The following TBC1D30 variants were observed in gnomAD, a reference collection of about 807,000 sequenced individuals.
TBC1D30 encodes TBC1 domain family, member 30.
Under a neutral mutation model 63.2 loss-of-function variants are expected in TBC1D30, and 31 were observed. That is an observed-to-expected ratio of 0.49 (90% CI 0.37 to 0.66). The LOEUF is 0.66. Ranked by LOEUF, TBC1D30 falls within the 30% of genes least tolerant of loss-of-function variation. The pLI, the probability that TBC1D30 is intolerant of heterozygous loss-of-function variation, is 0.00. For missense variants in TBC1D30, 810 were observed against 953.6 expected (o/e 0.85, Z 1.98); for synonymous variants, 307 against 361.5 (o/e 0.85, Z 1.71).
intron 5 of TBC1D30, 117 bp from the exon 6 acceptor site, chr12:64,836,373 G>T: frequency 1.3e-6 from 1 of 760,196 alleles, no homozygotes; most frequent in Non-Finnish European, 2.1e-6. Context: ...ATGCATTTAA[G>T]GATAGCGTGC....
At chr12:64,853,182 C>G (rs1263647211) in intron 8 of TBC1D30, among the ~76,000 whole-genome samples, 1 of 152,134 alleles carries the variant, frequency 6.6e-6, no homozygotes, top group African/African-American at 2.4e-5. Context: ...TCAGAGATAC[C>G]CTGCCCAGAG....
intron 2 of TBC1D30, among the ~76,000 whole-genome samples, chr12:64,794,958 A>G (rs745409589): frequency 1.2e-4 from 18 of 152,250 alleles, no homozygotes; most frequent in Non-Finnish European, 2.2e-4. Flanking sequence ...CAGACAAAAG[A>G]AAACAATTTG....
intron 1 of TBC1D30, among the ~76,000 whole-genome samples, chr12:64,760,930 T>C (rs1870486259): frequency 6.6e-6 from 1 of 151,558 alleles, no homozygotes; most frequent in Non-Finnish European, 1.5e-5. Flanking sequence ...ACTCACACAA[T>C]AGCATGAAAA....
intron 8 of TBC1D30, among the ~76,000 whole-genome samples, chr12:64,858,897 G>A (rs1369666822): frequency 6.6e-6 from 1 of 152,124 alleles, no homozygotes. Flanking sequence ...GAGGAAGAGA[G>A]AAGACCTCAT....
At chr12:64,869,836 G>A (rs1045226375) in intron 10 of TBC1D30, among the ~76,000 whole-genome samples, 1 of 152,148 alleles carries the variant, frequency 6.6e-6, no homozygotes, top group Non-Finnish European at 1.5e-5. Context: ...GCAGATGTTA[G>A]GATAGTTGGA....
At chr12:64,838,068 G>T (rs1399110828) in intron 6 of TBC1D30, among the ~76,000 whole-genome samples, 1 of 152,154 alleles carries the variant, frequency 6.6e-6, no homozygotes, top group Non-Finnish European at 1.5e-5. Flanking sequence ...CATAAAGTAA[G>T]AGGGAGTACT....
At chr12:64,807,404 G>A (rs1054345808) in intron 2 of TBC1D30, among the ~76,000 whole-genome samples, 4 of 152,162 alleles carry the variant, frequency 2.6e-5, no homozygotes, top group Admixed American at 2.6e-4. Flanking sequence ...GGAATGGAGA[G>A]TTGTTGTTTA....
intron 1 of TBC1D30, among the ~76,000 whole-genome samples, chr12:64,769,539 G>A (rs1286563186): frequency 7.6e-6 from 1 of 131,380 alleles, no homozygotes; most frequent in African/African-American, 3.2e-5. Context: ...ACCACGCTGG[G>A]CTATTTTTTT....
chr12:64,798,049 C>T (rs1176946438), intron 2 of TBC1D30, among the ~76,000 whole-genome samples: 2 of 152,064 alleles, frequency 1.3e-5, no homozygotes, highest in African/African-American at 4.8e-5. Context: ...TAGTATTGGC[C>T]CTACTTACCT....
In TBC1D30 at chr12:64,836,663, G is replaced by A; in HGVS notation, c.763+5G>A. 1 of 1,531,518 alleles carries A rather than the reference G, an allele frequency of 6.5e-7. No homozygotes were observed. Among genetic ancestry groups the A allele is most frequent in the Non-Finnish European group, 8.7e-7 (1 of 1,143,414 alleles). The allele number at this position is 1,531,518 out of a possible 1,614,324, so 94.9% of individuals were successfully genotyped here. On this transcript the variant is annotated splice_donor_5th_base_variant and intron_variant, in intron 6 of 11. Transcript: ENST00000539867. ...CTGCAAACAAAGAAAGTGGAGGTAGGTTTCAATGCTATTATAACTCTGAAA... is the reference window on the plus strand; with the variant it reads ...CTGCAAACAAAGAAAGTGGAGGTAGATTTCAATGCTATTATAACTCTGAAA...
rs553400418 is a variant in TBC1D30, at chr12:64,845,012, C to A, written c.1038+1527C>A. 3.6e-3 allele frequency among the ~76,000 whole-genome samples: 543 copies of A among 152,192 alleles called. 3 individuals carry two copies. Among genetic ancestry groups the A allele is most frequent in the African/African-American group, 0.013 (522 of 41,516 alleles). On this transcript the variant is annotated intron_variant, in intron 8 of 11. Coordinates refer to ENST00000539867, the MANE Select transcript of TBC1D30 (RefSeq NM_015279.2). ...ATATACCACATTTTCTTTATCCGTT[C>A]ATTGGTTGATGGATACTTAGGTTGC...
intron 1 of TBC1D30, among the ~76,000 whole-genome samples, chr12:64,825,885 C>T (rs1037283355): frequency 6.6e-6 from 1 of 152,176 alleles, no homozygotes; most frequent in Non-Finnish European, 1.5e-5. Context: ...CGGTCCCCGG[C>T]CCCCGCCCCC....
chr12:64,796,189 T>C (rs931319135), intron 2 of TBC1D30, among the ~76,000 whole-genome samples: 2 of 151,890 alleles, frequency 1.3e-5, no homozygotes, highest in Admixed American at 1.3e-4. Context: ...GTGTTTCTTA[T>C]GACCTCGTTA....
In TBC1D30 at chr12:64,829,682, T is replaced by C. The variant is rs60702559; in HGVS notation, c.283-695T>C. ...ATCAATGTTTATTTCTGCTAAATCA[T>C]GTTTAAATACCAAAACTTGAAATAC... On this transcript the variant is annotated intron_variant, in intron 3 of 11. Coordinates refer to ENST00000539867, the MANE Select transcript of TBC1D30 (RefSeq NM_015279.2). 7.1e-3 allele frequency among the ~76,000 whole-genome samples: 1,074 copies of C among 152,336 alleles called. 19 individuals carry two copies. Among genetic ancestry groups the C allele is most frequent in the African/African-American group, 0.025 (1,034 of 41,564 alleles).
chr12:64,874,153 A>G (rs12302982), intron 11 of TBC1D30, among the ~76,000 whole-genome samples: 4,317 of 152,256 alleles, frequency 0.028, 213 homozygotes, highest in African/African-American at 0.094. Flanking sequence ...CAGTGGCGCA[A>G]TGTCAGCTCA....
At position 64,843,374 on chromosome 12, in the gene TBC1D30, A is replaced by G. The variant is rs1355547691; in HGVS notation, c.933-6A>G. On this transcript the variant is annotated splice_polypyrimidine_tract_variant and splice_region_variant and intron_variant, in intron 7 of 11. Coordinates refer to ENST00000539867, the MANE Select transcript of TBC1D30 (RefSeq NM_015279.2). ...AAGTTGTATTTTCTGTCCTTTCTTT[A>G]TCTAGGCAGATAGAATGTTGTGAAA... The G allele has an allele frequency of 2.0e-6, 3 of 1,535,984 alleles. No individual in the cohort carries two copies. The highest frequency in any genetic ancestry group is 1.7e-4 in the Middle Eastern group (1 of 5,984).
intron 11 of TBC1D30, 141 bp downstream of exon 11, chr12:64,870,949 T>G (rs1878608464): frequency 2.5e-6 from 2 of 800,706 alleles, no homozygotes; most frequent in Admixed American, 2.8e-5. Context: ...AATAGCATAT[T>G]TAGCATCTCA....
chr12:64,829,687 A>C (rs887585921), intron 3 of TBC1D30, among the ~76,000 whole-genome samples: 27 of 152,254 alleles, frequency 1.8e-4, no homozygotes, highest in African/African-American at 6.3e-4. Flanking sequence ...AATCATGTTT[A>C]AATACCAAAA....
intron 3 of TBC1D30, among the ~76,000 whole-genome samples, chr12:64,829,692 C>T (rs1481279031): frequency 2.0e-5 from 3 of 152,134 alleles, no homozygotes; most frequent in Non-Finnish European, 4.4e-5. Flanking sequence ...TGTTTAAATA[C>T]CAAAACTTGA....
Sources: allele counts gnomAD v4.1 joint callset (sites outside exome capture counted in the v4.1 genomes callset), GRCh38; gene constraint gnomAD v4.1.1; transcripts MANE v1.5; gene names NCBI Gene and HGNC (gene_info 2026-07-23, HGNC 2026-07-21).